The following SASH1 variants were observed in gnomAD, a reference collection of about 807,000 sequenced individuals.
The protein encoded by SASH1 is SAM and SH3 domain containing 1.
SASH1 carries 44 observed loss-of-function variants against 125.2 expected under a neutral mutation model. That is an observed-to-expected ratio of 0.35 (90% CI 0.28 to 0.45). SASH1 has a LOEUF of 0.45. Ranked by LOEUF, SASH1 falls within the 20% of genes least tolerant of loss-of-function variation. The pLI, the probability that SASH1 is intolerant of heterozygous loss-of-function variation, is 1.00. For synonymous variants in SASH1, 639 were observed against 649.1 expected, an observed-to-expected ratio of 0.98 and a Z score of 0.24; for missense variants, 1,426 against 1,614.5, an observed-to-expected ratio of 0.88 and a Z score of 2.00.
chr6:148,278,810 A>G (rs1185657735), intron 1 of SASH1: 1 of 152,198 alleles, frequency 6.6e-6, no homozygotes, highest in Non-Finnish European at 1.5e-5. Context: ...TGCAAGTGCA[A>G]TAAATACGTA....
intron 2 of SASH1, among the ~76,000 whole-genome samples, chr6:148,405,469 G>A (rs1461754763): frequency 6.6e-6 from 1 of 152,056 alleles, no homozygotes; most frequent in Non-Finnish European, 1.5e-5. Context: ...AGGTTAGCAG[G>A]GCTGAGAATG....
At chr6:148,239,347 TGTTTTTCTAGAG>T in the SASH1 span, among the ~76,000 whole-genome samples, 1 of 152,198 alleles carries the variant, frequency 6.6e-6, no homozygotes, top group African/African-American at 2.4e-5. Context: ...GGCCTTAGGA[TGTTTTTCTAGAG>T]GGAGTGTTGG....
intron 2 of SASH1, among the ~76,000 whole-genome samples, chr6:148,399,082 A>G (rs571218616): frequency 6.6e-6 from 1 of 151,598 alleles, no homozygotes; most frequent in Non-Finnish European, 1.5e-5. Context: ...CCAACCTTAC[A>G]CTTAGGCACT....
chr6:148,387,623 T>C (rs1295097482), intron 1 of SASH1, among the ~76,000 whole-genome samples: 2,275 of 40,324 alleles, frequency 0.056, 86 homozygotes, highest in Middle Eastern at 0.16. Flanking sequence ...TTTCTTTCTT[T>C]CTTTCTTTCT....
At chr6:148,489,880 GTGTGTGTA>G (rs1411918629) in intron 8 of SASH1, among the ~76,000 whole-genome samples, 9 of 132,522 alleles carry the variant, frequency 6.8e-5, no homozygotes, top group Admixed American at 5.4e-4. Context: ...GTGTGTGTGT[GTGTGTGTA>G]TAGTGTTAGG....
At chr6:148,320,919 T>C (rs1292554049) in intron 1 of SASH1, among the ~76,000 whole-genome samples, 1 of 152,250 alleles carries the variant, frequency 6.6e-6, no homozygotes, top group African/African-American at 2.4e-5. Flanking sequence ...GTAATTTTGA[T>C]TCTTCCTTCA....
chr6:148,438,719 T>C (rs999628071), intron 2 of SASH1, among the ~76,000 whole-genome samples: 3 of 121,552 alleles, frequency 2.5e-5, no homozygotes, highest in Admixed American at 9.0e-5. Flanking sequence ...TTTTTTTTCA[T>C]TGTGGCAAAA....
intron 7 of SASH1, among the ~76,000 whole-genome samples, chr6:148,486,936 A>AATATAT (rs68036618): frequency 8.1e-5 from 5 of 62,026 alleles, no homozygotes; most frequent in Middle Eastern, 7.6e-3. Flanking sequence ...AACAACAACA[A>AATATAT]ATATATATAT....
At chr6:148,391,171 G>C (rs1331142744) in intron 2 of SASH1, among the ~76,000 whole-genome samples, 1 of 150,832 alleles carries the variant, frequency 6.6e-6, no homozygotes, top group South Asian at 2.1e-4. Context: ...GTGCAGTGGC[G>C]TGATCTGGGC....
At chr6:148,292,351 A>G (rs1306100988) in intron 1 of SASH1, among the ~76,000 whole-genome samples, 2 of 152,154 alleles carry the variant, frequency 1.3e-5, no homozygotes, top group African/African-American at 4.8e-5. Context: ...ACATTTGCCT[A>G]GGGGCTCCCG....
intron 1 of SASH1, among the ~76,000 whole-genome samples, chr6:148,377,095 G>A (rs1335157441): frequency 9.5e-5 from 14 of 147,172 alleles, no homozygotes; most frequent in Admixed American, 2.0e-4. Flanking sequence ...GCGTGAACCC[G>A]GGAGGCGGAG....
At chr6:148,225,529 G>A in the SASH1 span, among the ~76,000 whole-genome samples, 37 of 152,148 alleles carry the variant, frequency 2.4e-4, no homozygotes, top group Non-Finnish European at 1.0e-4. Context: ...CTATGAGGAT[G>A]CAAAGGCATA....
chr6:148,487,072 A>G (rs1201346242), intron 7 of SASH1, among the ~76,000 whole-genome samples: 4 of 127,006 alleles, frequency 3.1e-5, no homozygotes, highest in Non-Finnish European at 4.8e-5. Flanking sequence ...AAACAAATAT[A>G]TATATATAAC....
At chr6:148,304,445 AG>A (rs1204150645) in intron 1 of SASH1, among the ~76,000 whole-genome samples, 1,913 of 114,906 alleles carry the variant, frequency 0.017, 53 homozygotes, top group African/African-American at 0.069. Context: ...AAAAAAAAAA[AG>A]AAAAGAAAAA....
At chr6:148,259,439 C>T in the SASH1 span, among the ~76,000 whole-genome samples, 55 of 152,220 alleles carry the variant, frequency 3.6e-4, no homozygotes, top group African/African-American at 1.3e-3. Context: ...AATGCCCCCA[C>T]TCCCCTACCA....
At chr6:148,382,755 A>G (rs926518026) in intron 1 of SASH1, among the ~76,000 whole-genome samples, 2 of 152,206 alleles carry the variant, frequency 1.3e-5, no homozygotes, top group African/African-American at 4.8e-5. Flanking sequence ...GCGCAATAGC[A>G]TCACCATGAC....
At chr6:148,421,134 GAAGGAAGGAAGGAAGAAAGAAAGAAAGA>G (rs201584304) in intron 2 of SASH1, among the ~76,000 whole-genome samples, 4,267 of 95,292 alleles carry the variant, frequency 0.045, 152 homozygotes, top group East Asian at 0.077. Context: ...AGAAAGGAAG[GAAGGAAGGAAGGAAGAAAGAAAGAAAGA>G]AAGAAAGAAA....
intron 2 of SASH1, among the ~76,000 whole-genome samples, chr6:148,426,600 C>CAAAGTGA (rs1583139877): frequency 6.6e-6 from 1 of 152,134 alleles, no homozygotes; most frequent in Admixed American, 6.5e-5. Flanking sequence ...AGTTGAAATG[C>CAAAGTGA]AAAGTGAGTG....
chr6:148,244,904 ATGTGTG>A, the SASH1 span, among the ~76,000 whole-genome samples: 6 of 119,094 alleles, frequency 5.0e-5, no homozygotes, highest in East Asian at 2.4e-4. Flanking sequence ...GGCCTGGGGC[ATGTGTG>A]TGTGTGTGTG....
Sources: allele counts gnomAD v4.1 joint callset (sites outside exome capture counted in the v4.1 genomes callset), GRCh38; gene constraint gnomAD v4.1.1; transcripts MANE v1.5; gene names NCBI Gene and HGNC (gene_info 2026-07-23, HGNC 2026-07-21).